The following GALNT9 variants were observed in gnomAD, a reference collection of about 807,000 sequenced individuals.
GALNT9 encodes the protein GalNAc transferase 9.
GALNT9 carries 47 observed loss-of-function variants against 63.1 expected under a neutral mutation model. The ratio of observed to expected loss-of-function variants is 0.75; its 90% CI spans 0.59 to 0.95. The LOEUF (loss-of-function observed/expected upper bound fraction) is 0.95. Among genes scored for constraint, GALNT9 ranks in the 40% least tolerant of loss-of-function variants. The pLI is 0.00. For synonymous variants in GALNT9, 396 were observed against 365.7 expected, an observed-to-expected ratio of 1.08 and a Z score of -0.94; for missense variants, 829 against 874.8, an observed-to-expected ratio of 0.95 and a Z score of 0.66.
chr12:132,239,088 C>T (rs2136896430), intron 6 of GALNT9, among the ~76,000 whole-genome samples: 6 of 141,994 alleles, frequency 4.2e-5, no homozygotes, highest in East Asian at 4.4e-4. Flanking sequence ...TAGAAGAGAA[C>T]GGGGGTACTT....
intron 6 of GALNT9, among the ~76,000 whole-genome samples, chr12:132,239,229 G>A (rs2136896601): frequency 1.3e-5 from 2 of 152,038 alleles, no homozygotes; most frequent in African/African-American, 4.8e-5. Context: ...CACAGAGACA[G>A]AGAAAGAGAC....
intron 6 of GALNT9, among the ~76,000 whole-genome samples, chr12:132,224,650 C>CACACCCCACACTGTACCTAT (rs1877575682): frequency 1.2e-4 from 12 of 98,988 alleles, no homozygotes; most frequent in Non-Finnish European, 2.3e-4. Context: ...AGCGTACATA[C>CACACCCCACACTGTACCTAT]ACACCCCACA....
chr12:132,322,221 G>C (rs1555246222), intron 1 of GALNT9, among the ~76,000 whole-genome samples: 1 of 152,180 alleles, frequency 6.6e-6, no homozygotes, highest in Non-Finnish European at 1.5e-5. Context: ...ATTCGTCCAC[G>C]TCACTCAGGC....
chr12:132,309,882 C>G (rs1555245024), intron 1 of GALNT9, among the ~76,000 whole-genome samples: 5 of 152,258 alleles, frequency 3.3e-5, no homozygotes, highest in African/African-American at 1.2e-4. Context: ...CACCACCCGT[C>G]CCCTGTTCTT....
chr12:132,259,248 C>T (rs73469890), intron 4 of GALNT9, among the ~76,000 whole-genome samples: 4,218 of 152,238 alleles, frequency 0.028, 113 homozygotes, highest in South Asian at 0.087. Flanking sequence ...AAATTTGGAC[C>T]GGTTTAAAAT....
chr12:132,215,905 G>A lies in GALNT9; in HGVS notation c.1078-12215C>T, dbSNP rs1453287410. On this transcript the variant is annotated intron_variant, in intron 6 of 10. Transcript: ENST00000328957. ...GAGAGTAGGGTTGGGGGGTGCTTCT[G>A]GGCCAGGCCTGAGGGGCTGCGTCCC... Among the ~76,000 whole-genome samples the A allele has an allele frequency of 3.3e-5, 5 of 152,102 alleles. No individual in the cohort carries two copies. The East Asian group carries it at 9.7e-4, about 29-fold the overall frequency.
At chr12:132,257,641 G>T in intron 5 of GALNT9, 48 bp downstream of exon 5, 1 of 1,443,462 alleles carries the variant, frequency 6.9e-7, no homozygotes, top group Non-Finnish European at 9.4e-7. Context: ...GCTCTGCTCC[G>T]CTCCTTGCCG....
chr12:132,257,981 C>T, intron 4 of GALNT9, 95 bp from the exon 5 acceptor site: 1 of 846,520 alleles, frequency 1.2e-6, no homozygotes, highest in Non-Finnish European at 1.8e-6. Flanking sequence ...CCAGTCCCCA[C>T]CTGGTCTGCA....
rs1426321260 is a variant in GALNT9 at position 132,296,081 on chromosome 12, G to A, written c.239-9651C>T. Among the ~76,000 whole-genome samples, 3 of 149,622 alleles carry A rather than the reference G, an allele frequency of 2.0e-5. No homozygotes were observed. Among genetic ancestry groups the A allele is most frequent in the African/African-American group, 7.5e-5 (3 of 40,264 alleles). On this transcript the variant is annotated intron_variant, in intron 1 of 10. Coordinates refer to ENST00000328957, the MANE Select transcript of GALNT9 (RefSeq NM_001122636.2). This position sits in a 1 kb window ranked among gnomAD's most constrained non-coding sequence, Gnocchi z 4.2. ...ACAGGGAGAGGCTCCGGAACAGGGAGAGCCTCCGAACAGGGAGAGCCTCCG... is the reference window on the plus strand; with the variant it reads ...ACAGGGAGAGGCTCCGGAACAGGGAAAGCCTCCGAACAGGGAGAGCCTCCG...
At chr12:132,205,100 T>C (rs1043109873) in intron 6 of GALNT9, among the ~76,000 whole-genome samples, 6 of 152,188 alleles carry the variant, frequency 3.9e-5, no homozygotes, top group Admixed American at 3.9e-4. Flanking sequence ...CCCTGGACTC[T>C]GGTTCATCCT....
At chr12:132,284,168 TAC>T (rs137940207) in intron 2 of GALNT9, 2,155 of 142,124 alleles carry the variant, frequency 0.015, 30 homozygotes, top group African/African-American at 0.042. Flanking sequence ...CACGCACGTA[TAC>T]ACACACACGC....
intron 6 of GALNT9, among the ~76,000 whole-genome samples, chr12:132,208,440 A>C (rs962261483): frequency 3.9e-5 from 6 of 152,242 alleles, no homozygotes; most frequent in Non-Finnish European, 7.3e-5. Flanking sequence ...GGGGGACGCT[A>C]TCACCCTAGG....
At chr12:132,294,986 G>C (rs903915497) in intron 1 of GALNT9, among the ~76,000 whole-genome samples, 2 of 152,356 alleles carry the variant, frequency 1.3e-5, no homozygotes, top group East Asian at 3.9e-4. Flanking sequence ...AAGGACAAAC[G>C]ATGAAGAAAC....
At chr12:132,217,533 C>T (rs2135517899) in intron 6 of GALNT9, among the ~76,000 whole-genome samples, 1 of 150,902 alleles carries the variant, frequency 6.6e-6, no homozygotes. Context: ...TCCAACCAGC[C>T]AACCATTCAT....
chr12:132,306,853 C>T (rs28411249), intron 1 of GALNT9, among the ~76,000 whole-genome samples: 39,227 of 152,178 alleles, frequency 0.26, 5,749 homozygotes, highest in South Asian at 0.4. Context: ...TCTGCTTTTA[C>T]GGAATCGTCA....
intron 9 of GALNT9, among the ~76,000 whole-genome samples, chr12:132,198,595 G>T (rs985980135): frequency 6.6e-6 from 1 of 152,152 alleles, no homozygotes; most frequent in Non-Finnish European, 1.5e-5. Flanking sequence ...AAGTGCTGTT[G>T]CCGTCTCTCT....
rs1481447866 is a variant in GALNT9, at chr12:132,197,817, G to T, written c.1640C>A (p.Thr547Lys). Residue 547 changes from threonine (T) to lysine (K), a missense_variant, in exon 10 of 11, where the codon ACA (threonine) becomes AAA (lysine). Thr to Lys is a moderately conservative substitution (Grantham distance 78). Transcript: ENST00000328957. ...CTGGGTGAAGTCCCACAGCCGCTGT[G>T]TTGGCCGCGCCACATCCTCACACTT... ...LKKCEDVARP[T>K]QRLWDFTQSG... 3.8e-6 allele frequency: 6 copies of T among 1,594,554 alleles called. No individual in the cohort carries two copies. Among genetic ancestry groups the T allele is most frequent in the African/African-American group, 1.3e-5 (1 of 74,860 alleles).
At chr12:132,323,569 G>T (rs1868897461) in intron 1 of GALNT9, among the ~76,000 whole-genome samples, 1 of 152,250 alleles carries the variant, frequency 6.6e-6, no homozygotes, top group African/African-American at 2.4e-5. Flanking sequence ...AGCTGTGTGT[G>T]AGTGCAGGCA....
chr12:132,260,195 G>A (rs1284463813), intron 4 of GALNT9, among the ~76,000 whole-genome samples: 1 of 152,166 alleles, frequency 6.6e-6, no homozygotes, highest in African/African-American at 2.4e-5. Flanking sequence ...GGAGGGCGTG[G>A]GGGTCGGAGG....
Sources: gnomAD v4.1 joint callset for allele counts (sites outside exome capture counted in the v4.1 genomes callset) on GRCh38, gnomAD v4.1.1 for gene constraint, Gnocchi (gnomAD v3.1) non-coding constraint, MANE v1.5 for transcripts, NCBI Gene and HGNC (gene_info 2026-07-23, HGNC 2026-07-21) for gene names.